SNX18: variants seen among roughly 807,000 people sequenced by gnomAD.
The protein encoded by SNX18 is sorting nexin 18.
A neutral mutation model predicts 48.7 loss-of-function variants in SNX18; 35 were observed. The observed-to-expected ratio is 0.72, with a 90% CI of 0.55 to 0.95. The LOEUF (loss-of-function observed/expected upper bound fraction) is 0.95. Ranked by LOEUF, SNX18 falls within the 40% of genes least tolerant of loss-of-function variation. SNX18 has a pLI of 0.00. For missense variants in SNX18, 824 were observed against 871.0 expected, an observed-to-expected ratio of 0.95 and a Z score of 0.68; for synonymous variants, 492 against 384.7, an observed-to-expected ratio of 1.28 and a Z score of -3.26.
At chr5:54,637,314 A>G in the SNX18 span, among the ~76,000 whole-genome samples, 15 of 152,380 alleles carry the variant, frequency 9.8e-5, no homozygotes, top group Non-Finnish European at 1.9e-4. Flanking sequence ...TTATGAATTA[A>G]TCATAAATAA....
the SNX18 span, among the ~76,000 whole-genome samples, chr5:54,561,204 G>C: frequency 6.6e-6 from 1 of 151,850 alleles, no homozygotes; most frequent in Middle Eastern, 3.4e-3. Context: ...CACCACGCCT[G>C]GCTAATTTTG....
In SNX18 at chr5:54,543,440, A is replaced by G; in HGVS notation, c.*8A>G. 1 of 1,610,914 alleles carries G rather than the reference A, an allele frequency of 6.2e-7. No individual in the cohort carries two copies. Among genetic ancestry groups the G allele is most frequent in the Non-Finnish European group, 8.5e-7 (1 of 1,177,852 alleles). On this transcript the variant is annotated 3_prime_UTR_variant, in exon 2 of 2. Coordinates refer to ENST00000381410, the MANE Select transcript of SNX18 (RefSeq NM_001102575.2). Reference sequence around the variant, plus strand: ...AAATATGATAGTGTTTAATGACTGGACGTTGGATTATGGACTTTTTCAGTT... The same window carrying G: ...AAATATGATAGTGTTTAATGACTGGGCGTTGGATTATGGACTTTTTCAGTT...
the SNX18 span, among the ~76,000 whole-genome samples, chr5:54,592,634 G>A: frequency 6.6e-6 from 1 of 152,212 alleles, no homozygotes; most frequent in African/African-American, 2.4e-5. Flanking sequence ...TGGCTTGACT[G>A]TAACAGGGCA....
rs1761966490 is a variant in SNX18, at chr5:54,519,464, C to T, written c.1512C>T (p.Gly504=). Residue 504 remains glycine, a synonymous_variant, in exon 1 of 2, where the codon GGC becomes GGT. Transcript: ENST00000381410. ...AFTGDAYDAI[G]ELFAEQPRQD... is the part of the protein sequence containing the mutation. ...CCGGAGATGCCTATGACGCCATTGG[C>T]GAGCTCTTCGCGGAGCAGCCCAGGC... is the stretch of plus-strand genomic sequence containing the variant. 6.2e-7 allele frequency: 1 copy of T among 1,614,190 alleles called. No homozygotes were observed. The highest frequency in any genetic ancestry group is 8.5e-7 in the Non-Finnish European group (1 of 1,180,032).
downstream of SNX18, among the ~76,000 whole-genome samples, chr5:54,548,318 A>G (rs1388977383): frequency 1.3e-5 from 2 of 152,244 alleles, no homozygotes; most frequent in Non-Finnish European, 2.9e-5. Flanking sequence ...TGTGTGTCCC[A>G]TCAGCCTACC....
the SNX18 span, among the ~76,000 whole-genome samples, chr5:54,562,056 T>C: frequency 4.5e-4 from 68 of 152,356 alleles, no homozygotes; most frequent in South Asian, 2.1e-3. Flanking sequence ...AGTGAAGTAT[T>C]CTAATAACAT....
At chr5:54,641,165 C>T in the SNX18 span, among the ~76,000 whole-genome samples, 1 of 152,160 alleles carries the variant, frequency 6.6e-6, no homozygotes, top group Non-Finnish European at 1.5e-5. Context: ...GGGTTCGATA[C>T]CACCTTGTTC....
the SNX18 span, among the ~76,000 whole-genome samples, chr5:54,589,747 C>T: frequency 4.6e-5 from 7 of 152,266 alleles, no homozygotes; most frequent in Non-Finnish European, 7.3e-5. Context: ...GGGAAATGCC[C>T]AGTCAATGGA....
the SNX18 span, among the ~76,000 whole-genome samples, chr5:54,602,085 G>C: frequency 7.2e-5 from 11 of 152,146 alleles, no homozygotes; most frequent in African/African-American, 2.7e-4. Flanking sequence ...AGTAAGCAAA[G>C]CTCCTCCAAG....
the SNX18 span, among the ~76,000 whole-genome samples, chr5:54,639,520 C>T: frequency 6.6e-6 from 1 of 152,070 alleles, no homozygotes; most frequent in African/African-American, 2.4e-5. Flanking sequence ...GATTATATGC[C>T]AAGTATAGTC....
chr5:54,597,432 C>T, the SNX18 span, among the ~76,000 whole-genome samples: 2 of 152,108 alleles, frequency 1.3e-5, no homozygotes, highest in Admixed American at 6.6e-5. Context: ...CCCAGAAGGA[C>T]AGAATATACA....
chr5:54,534,020 A>G (rs1762302023), intron 1 of SNX18, among the ~76,000 whole-genome samples: 1 of 152,092 alleles, frequency 6.6e-6, no homozygotes, highest in African/African-American at 2.4e-5. Context: ...ATTTTCTTTC[A>G]GCATGTTACG....
rs70986692 is a variant in SNX18 at position 54,530,744 on chromosome 5, A to AT, written c.1621+11197dup. ...TGCAGACAGGAGCTGAACCACAGAA[A>AT]TTTTTTTTTTTTTTTTTTTTTTTTT... On this transcript the variant is annotated intron_variant, in intron 1 of 1. Coordinates refer to ENST00000381410, the MANE Select transcript of SNX18 (RefSeq NM_001102575.2). 2.8e-4 allele frequency among the ~76,000 whole-genome samples: 20 copies of AT among 72,508 alleles called. 1 individual carries two copies. The highest frequency in any genetic ancestry group is 1.3e-3 in the South Asian group (2 of 1,564). 47.6% of individuals were successfully genotyped at this position (72,508 alleles called of 152,430 possible).
chr5:54,543,438 G>A lies in SNX18; in HGVS notation c.*6G>A, dbSNP rs1406750010. On this transcript the variant is annotated 3_prime_UTR_variant, in exon 2 of 2. Transcript: ENST00000381410. Reference sequence around the variant, plus strand: ...ACAAATATGATAGTGTTTAATGACTGGACGTTGGATTATGGACTTTTTCAG... The same window carrying A: ...ACAAATATGATAGTGTTTAATGACTAGACGTTGGATTATGGACTTTTTCAG... The A allele has an allele frequency of 6.2e-7, 1 of 1,611,310 alleles. No individual in the cohort carries two copies. Among genetic ancestry groups the A allele is most frequent in the Non-Finnish European group, 8.5e-7 (1 of 1,178,004 alleles).
chr5:54,550,247 G>A (rs3749711), downstream of SNX18, among the ~76,000 whole-genome samples: 17,928 of 152,086 alleles, frequency 0.12, 1,135 homozygotes, highest in South Asian at 0.14. Flanking sequence ...ATGAAACAAA[G>A]GACCTATGGG....
the SNX18 span, among the ~76,000 whole-genome samples, chr5:54,617,501 G>T: frequency 6.6e-6 from 1 of 152,122 alleles, no homozygotes. Context: ...TCTGTCAGTG[G>T]CATTACTAAA....
At position 54,544,885 on chromosome 5, in the gene SNX18, G is replaced by A. The variant is rs1762550529; in HGVS notation, c.*1453G>A. The stretch of plus-strand genomic sequence containing the variant: ...TTAGAGTATCTACTGTTTTTATGAA[G>A]TCAAACTTATGCTGCCTCAGAAATC... On this transcript the variant is annotated 3_prime_UTR_variant, in exon 2 of 2. Coordinates refer to ENST00000381410, the MANE Select transcript of SNX18 (RefSeq NM_001102575.2). 6.6e-6 allele frequency: 1 copy of A among 152,062 alleles called. No homozygotes were observed. The highest frequency in any genetic ancestry group is 2.4e-5 in the African/African-American group (1 of 41,412). 9.4% of individuals were successfully genotyped at this position (152,062 alleles called of 1,614,324 possible).
At chr5:54,558,703 C>T in the SNX18 span, among the ~76,000 whole-genome samples, 2 of 152,142 alleles carry the variant, frequency 1.3e-5, no homozygotes, top group Non-Finnish European at 2.9e-5. Flanking sequence ...AAAATCACTT[C>T]CTACTGGGTT....
the SNX18 span, among the ~76,000 whole-genome samples, chr5:54,553,033 G>A: frequency 5.9e-5 from 9 of 152,120 alleles, no homozygotes; most frequent in East Asian, 5.8e-4. Context: ...GAGCACAGCC[G>A]GGGACAGTAT....
Sources: allele counts gnomAD v4.1 joint callset (sites outside exome capture counted in the v4.1 genomes callset), GRCh38; gene constraint gnomAD v4.1.1; transcripts MANE v1.5; gene names NCBI Gene and HGNC (gene_info 2026-07-23, HGNC 2026-07-21).